CNTN5: variants seen among roughly 807,000 people sequenced by gnomAD.
CNTN5 encodes the protein contactin 5.
In CNTN5, 77 loss-of-function variants were observed where a neutral mutation model predicts 129.1. That is an observed-to-expected ratio of 0.60 (90% CI 0.50 to 0.72). The LOEUF is 0.72. Ranked by LOEUF, CNTN5 falls within the 30% of genes least tolerant of loss-of-function variation. The pLI is 0.00. For synonymous variants in CNTN5, 509 were observed against 465.6 expected (o/e 1.09, Z -1.20); for missense variants, 1,478 against 1,328.8 (o/e 1.11, Z -1.75).
chr11:100,041,950 AAGG>A (rs1178022145), intron 9 of CNTN5, among the ~76,000 whole-genome samples: 1 of 152,188 alleles, frequency 6.6e-6, no homozygotes, highest in African/African-American at 2.4e-5. Flanking sequence ...AAGAATCAGA[AAGG>A]AGAGAGATCT....
intron 8 of CNTN5, among the ~76,000 whole-genome samples, chr11:99,958,050 A>T (rs968595843): frequency 6.6e-6 from 1 of 152,196 alleles, no homozygotes; most frequent in Admixed American, 6.6e-5. Context: ...AAGGGTAAAA[A>T]TGTAATATTC....
intron 18 of CNTN5, among the ~76,000 whole-genome samples, chr11:100,285,643 G>A (rs527637618): frequency 1.3e-5 from 2 of 152,332 alleles, no homozygotes; most frequent in South Asian, 4.1e-4. Context: ...AAATGTCTTT[G>A]CTTTCTAGTT....
chr11:99,537,972 G>C (rs1341851107), intron 2 of CNTN5, among the ~76,000 whole-genome samples: 1 of 152,114 alleles, frequency 6.6e-6, no homozygotes, highest in African/African-American at 2.4e-5. Flanking sequence ...GTGAAGTGTG[G>C]AACTGCCCTT....
intron 21 of CNTN5, among the ~76,000 whole-genome samples, chr11:100,326,629 G>A (rs1951792736): frequency 6.6e-6 from 1 of 152,106 alleles, no homozygotes; most frequent in South Asian, 2.1e-4. Flanking sequence ...TATTTCAACT[G>A]TTTATTCAGT....
intron 1 of CNTN5, among the ~76,000 whole-genome samples, chr11:99,213,401 T>G (rs1291027450): frequency 1.5e-5 from 2 of 135,318 alleles, no homozygotes; most frequent in African/African-American, 2.9e-5. Flanking sequence ...CGTGTATATA[T>G]ACACATATAT....
chr11:99,277,299 C>T (rs1015393679), intron 1 of CNTN5, among the ~76,000 whole-genome samples: 1 of 151,658 alleles, frequency 6.6e-6, no homozygotes, highest in African/African-American at 2.4e-5. Context: ...TCTTTATGTA[C>T]TGCTCCCCAG....
chr11:99,059,318 T>C (rs1489070462), intron 1 of CNTN5, among the ~76,000 whole-genome samples: 1 of 152,112 alleles, frequency 6.6e-6, no homozygotes, highest in South Asian at 2.1e-4. Flanking sequence ...ACTATTCTTT[T>C]ACAAAAAGCC....
At chr11:99,231,965 G>A (rs1337492890) in intron 1 of CNTN5, among the ~76,000 whole-genome samples, 1 of 152,064 alleles carries the variant, frequency 6.6e-6, no homozygotes. Flanking sequence ...TTGTAGTTGT[G>A]TGGTCTTATT....
At chr11:100,347,249 G>T (rs1320978775) in intron 23 of CNTN5, among the ~76,000 whole-genome samples, 1 of 152,044 alleles carries the variant, frequency 6.6e-6, no homozygotes, top group Non-Finnish European at 1.5e-5. Context: ...GAACTTTGAA[G>T]CCCATCCCTG....
intron 1 of CNTN5, among the ~76,000 whole-genome samples, chr11:99,080,028 CCTAACACATTATAGATA>C (rs1445547075): frequency 6.6e-6 from 1 of 152,024 alleles, no homozygotes; most frequent in African/African-American, 2.4e-5. Flanking sequence ...TAACACGAAG[CCTAACACATTATAGATA>C]CCCAATAGGT....
At chr11:99,042,095 T>C (rs911745202) in intron 1 of CNTN5, among the ~76,000 whole-genome samples, 10 of 152,192 alleles carry the variant, frequency 6.6e-5, no homozygotes, top group Non-Finnish European at 1.5e-4. Flanking sequence ...AATCATTGCA[T>C]ACATAGCATA....
At chr11:100,167,906 T>C (rs1313740239) in intron 13 of CNTN5, among the ~76,000 whole-genome samples, 1 of 151,978 alleles carries the variant, frequency 6.6e-6, no homozygotes, top group Non-Finnish European at 1.5e-5. Flanking sequence ...GGACAGAATT[T>C]ACAAGTGCAT....
At chr11:100,032,768 T>C (rs1343181774) in intron 9 of CNTN5, among the ~76,000 whole-genome samples, 1 of 151,176 alleles carries the variant, frequency 6.6e-6, no homozygotes, top group East Asian at 2.0e-4. Context: ...TTTGTAATGT[T>C]ATTCCTACAT....
At chr11:100,105,010 C>G (rs1297749993) in intron 13 of CNTN5, among the ~76,000 whole-genome samples, 1 of 152,156 alleles carries the variant, frequency 6.6e-6, no homozygotes, top group African/African-American at 2.4e-5. Context: ...TGCAATAACT[C>G]TATGATAAAG....
At chr11:99,346,041 T>C (rs942539427) in intron 2 of CNTN5, among the ~76,000 whole-genome samples, 1 of 152,204 alleles carries the variant, frequency 6.6e-6, no homozygotes, top group Non-Finnish European at 1.5e-5. Flanking sequence ...ACATAATACT[T>C]TTTAAAGCTT....
At chr11:99,319,536 A>C (rs985437142) in intron 1 of CNTN5, among the ~76,000 whole-genome samples, 1 of 152,174 alleles carries the variant, frequency 6.6e-6, no homozygotes, top group Non-Finnish European at 1.5e-5. Flanking sequence ...CCACTGGACC[A>C]TAATGTTTAT....
chr11:99,288,225 T>G (rs964561602), intron 1 of CNTN5, among the ~76,000 whole-genome samples: 1 of 151,966 alleles, frequency 6.6e-6, no homozygotes, highest in Admixed American at 6.6e-5. Flanking sequence ...GCAGGGTTTT[T>G]TTTTTACAAG....
At chr11:100,156,047 A>C (rs1947229088) in intron 13 of CNTN5, among the ~76,000 whole-genome samples, 1 of 152,112 alleles carries the variant, frequency 6.6e-6, no homozygotes, top group Non-Finnish European at 1.5e-5. Flanking sequence ...TATGTTGAGT[A>C]GGAATGGTGA....
intron 1 of CNTN5, among the ~76,000 whole-genome samples, chr11:99,224,935 C>A (rs11218913): frequency 2.6e-5 from 4 of 151,742 alleles, no homozygotes; most frequent in Non-Finnish European, 5.9e-5. Context: ...ACTTTAAGAC[C>A]CAGTTTGGAC....
Sources: allele counts gnomAD v4.1 joint callset (sites outside exome capture counted in the v4.1 genomes callset), GRCh38; gene constraint gnomAD v4.1.1; transcripts MANE v1.5; gene names NCBI Gene and HGNC (gene_info 2026-07-23, HGNC 2026-07-21).